Variants in CDA observed in about 807,000 individuals in gnomAD.
CDA encodes cytidine aminohydrolase.
CDA carries 7 observed loss-of-function variants against 15.0 expected under a neutral mutation model. The observed-to-expected ratio is 0.47, with a 90% CI of 0.26 to 0.87. The LOEUF is 0.87. Among genes scored for constraint, CDA ranks in the 40% least tolerant of loss-of-function variants. The probability of loss-of-function intolerance (pLI) is 0.15; values close to 1 mark genes in which losing one functional copy is unlikely to be tolerated. For synonymous variants in CDA, 58 were observed against 73.0 expected, an observed-to-expected ratio of 0.79 and a Z score of 1.05; for missense variants, 159 against 182.7, an observed-to-expected ratio of 0.87 and a Z score of 0.75.
rs190769273 is a variant in CDA, at chr1:20,591,933, G to A, written c.154+2650G>A. ...ATCTCGGCTCACTGCAATCTCCGAC[G>A]CCCAGGTTCAAGCGATTCTCCTGCC... On this transcript the variant is annotated intron_variant, in intron 1 of 3. Transcript: ENST00000375071. Among the ~76,000 whole-genome samples, 1,096 of 150,444 alleles carry A rather than the reference G, an allele frequency of 7.3e-3. 10 individuals carry two copies. The highest frequency in any genetic ancestry group is 0.024 in the African/African-American group (981 of 40,858).
chr1:20,613,058 C>T (rs915669391), intron 2 of CDA, among the ~76,000 whole-genome samples: 67 of 152,088 alleles, frequency 4.4e-4, no homozygotes, highest in African/African-American at 1.6e-3. Context: ...GGTACAGAGC[C>T]TGGCATACAG....
At chr1:20,610,284 A>ATTTTTTTTTTTTTTTTTTTTTTTTTTTTT (rs1171940922) in intron 2 of CDA, among the ~76,000 whole-genome samples, 1 of 134,716 alleles carries the variant, frequency 7.4e-6, no homozygotes. Flanking sequence ...ATTTTATTTT[A>ATTTTTTTTTTTTTTTTTTTTTTTTTTTTT]TTTTTATTTT....
chr1:20,590,120 C>T (rs1370536980), intron 1 of CDA, among the ~76,000 whole-genome samples: 1 of 152,174 alleles, frequency 6.6e-6, no homozygotes, highest in African/African-American at 2.4e-5. Flanking sequence ...GTATTATTCC[C>T]TGTCTGTTGA....
chr1:20,614,204 GGA>G, intron 3 of CDA, among the ~76,000 whole-genome samples: 1 of 152,184 alleles, frequency 6.6e-6, no homozygotes, highest in Non-Finnish European at 1.5e-5. Context: ...GGCTAATGCA[GGA>G]GACAGATGAT....
At position 20,618,366 on chromosome 1, in the gene CDA, C is replaced by CAG. The variant is rs2154532990; in HGVS notation, c.325-85_325-84dup. ...TCAAGGTAAAGAGAGGAACATTAGA[C>CAG]AGTGGCAGAGTCAGACTCAGACCCA... On this transcript the variant is annotated intron_variant, in intron 3 of 3. Coordinates refer to ENST00000375071, the MANE Select transcript of CDA (RefSeq NM_001785.3). The CAG allele has an allele frequency of 4.0e-6, 3 of 746,450 alleles. No homozygotes were observed. In the South Asian group the frequency reaches 4.4e-5, roughly 11 times the overall value. 46.2% of individuals were successfully genotyped at this position (746,450 alleles called of 1,614,324 possible). A position where few individuals can be genotyped will look rare whatever the true frequency, so the allele number is the denominator to read the frequency against.
At chr1:20,616,084 T>C (rs919057134) in intron 3 of CDA, among the ~76,000 whole-genome samples, 1 of 152,174 alleles carries the variant, frequency 6.6e-6, no homozygotes, top group Admixed American at 6.5e-5. Context: ...CATTTCCCAG[T>C]GACCACTCTG....
chr1:20,610,633 A>G (rs2052741170), intron 2 of CDA, among the ~76,000 whole-genome samples: 1 of 152,216 alleles, frequency 6.6e-6, no homozygotes. Flanking sequence ...AAGATGAATT[A>G]TGAAATAGTA....
intron 2 of CDA, among the ~76,000 whole-genome samples, chr1:20,613,497 G>A (rs1198618607): frequency 6.6e-6 from 1 of 152,212 alleles, no homozygotes; most frequent in African/African-American, 2.4e-5. Flanking sequence ...GAGCTACCAA[G>A]CCCAGCTGCA....
intron 2 of CDA, among the ~76,000 whole-genome samples, chr1:20,605,715 T>C (rs2052690280): frequency 8.3e-6 from 1 of 120,028 alleles, no homozygotes; most frequent in South Asian, 3.3e-4. Flanking sequence ...TCCCAGCTAT[T>C]TGGGAGGCTG....
chr1:20,604,912 T>C lies in CDA; in HGVS notation c.155-16T>C, dbSNP rs773925629. On this transcript the variant is annotated splice_polypyrimidine_tract_variant and intron_variant, in intron 1 of 3. Transcript: ENST00000375071. ...GTCTCTGCCAGACATACCACTGGACTCTGCTCTCTTCTCAGGGTGCAACAT... is the reference window on the plus strand; with the variant it reads ...GTCTCTGCCAGACATACCACTGGACCCTGCTCTCTTCTCAGGGTGCAACAT... The C allele has an allele frequency of 1.3e-6, 2 of 1,546,054 alleles. No individual in the cohort carries two copies. The highest frequency in any genetic ancestry group is 1.8e-6 in the Non-Finnish European group (2 of 1,120,978).
At chr1:20,609,015 T>C (rs572851711) in intron 2 of CDA, among the ~76,000 whole-genome samples, 16 of 152,364 alleles carry the variant, frequency 1.1e-4, no homozygotes, top group Non-Finnish European at 1.5e-4. Context: ...ATGCGCTGTC[T>C]CTACATCCTC....
At chr1:20,607,720 A>G (rs11579252) in intron 2 of CDA, among the ~76,000 whole-genome samples, 23,841 of 152,156 alleles carry the variant, frequency 0.16, 2,029 homozygotes, top group African/African-American at 0.22. Context: ...GCTGTACTCT[A>G]GGTATTCAGC....
intron 2 of CDA, among the ~76,000 whole-genome samples, chr1:20,611,853 A>G (rs1453366411): frequency 6.6e-6 from 1 of 151,886 alleles, no homozygotes; most frequent in Non-Finnish European, 1.5e-5. Flanking sequence ...GCCTTTGCAC[A>G]TACTGTTTTT....
chr1:20,613,424 C>CAGGT (rs1343453240), intron 2 of CDA, among the ~76,000 whole-genome samples: 2 of 152,152 alleles, frequency 1.3e-5, no homozygotes, highest in African/African-American at 2.4e-5. Flanking sequence ...AGGCTGGTCT[C>CAGGT]GAACTCCTGC....
rs760085126 is a variant in CDA, at chr1:20,589,269, G to A, written c.140G>A (p.Gly47Glu). Residue 47 changes from glycine (G) to glutamate (E), a missense_variant, in exon 1 of 4, where the codon GGG becomes GAG. By Grantham distance (98) the Gly-to-Glu change is moderately conservative. Transcript: ENST00000375071. ...GGGGCTGCCCTGCTCACCCAGGAGG[G>A]GAGAATCTTCAAAGGTAAAGGTGGG... ...PVGAALLTQEGRIFKGCNIEN... is the reference protein window; with the variant it reads ...PVGAALLTQEERIFKGCNIEN... The A allele has an allele frequency of 3.7e-6, 6 of 1,614,032 alleles. No homozygotes were observed. In the Admixed American group the frequency reaches 6.7e-5, roughly 18 times the overall value.
chr1:20,599,647 T>TAAAATAAAAC lies in CDA; in HGVS notation c.155-5277_155-5276insTAAAACAAAA, dbSNP rs568052436. On this transcript the variant is annotated intron_variant, in intron 1 of 3. Coordinates refer to ENST00000375071, the MANE Select transcript of CDA (RefSeq NM_001785.3). ...TAAAATAAAATAAAATAAAATAAAA[T>TAAAATAAAAC]AAAACAAAATAAAATAAAATAAAAA... is the stretch of plus-strand genomic sequence containing the variant. 5.2e-4 allele frequency among the ~76,000 whole-genome samples: 77 copies of TAAAATAAAAC among 146,980 alleles called. 1 individual carries two copies. The highest frequency in any genetic ancestry group is 3.6e-3 in the South Asian group (17 of 4,748).
Position 20,613,466 on chromosome 1 carries a change from A to G in CDA, c.267-376A>G, listed in dbSNP as rs551542289. Among the ~76,000 whole-genome samples, 9 of 152,264 alleles carry G rather than the reference A, an allele frequency of 5.9e-5. 1 individual carries two copies. In the South Asian group the frequency reaches 1.9e-3, roughly 32 times the overall value. On this transcript the variant is annotated intron_variant, in intron 2 of 3. Coordinates refer to ENST00000375071, the MANE Select transcript of CDA (RefSeq NM_001785.3). Reference sequence around the variant, plus strand: ...GTGATCCACCCACCTCGGCCTCCCAAAGTGCTGGGATTACAGGCGTGAGCT... The same window carrying G: ...GTGATCCACCCACCTCGGCCTCCCAGAGTGCTGGGATTACAGGCGTGAGCT...
At chr1:20,607,833 T>C (rs947004562) in intron 2 of CDA, among the ~76,000 whole-genome samples, 2 of 152,186 alleles carry the variant, frequency 1.3e-5, no homozygotes, top group African/African-American at 4.8e-5. Context: ...CCAGCTCCCT[T>C]GTTAACATCA....
intron 3 of CDA, among the ~76,000 whole-genome samples, chr1:20,617,697 A>ATTTTTT (rs147364706): frequency 6.9e-6 from 1 of 144,022 alleles, no homozygotes; most frequent in African/African-American, 2.6e-5. Context: ...ATTTTATTTT[A>ATTTTTT]TTTTTTTTTT....
Sources: gnomAD v4.1 joint callset for allele counts (sites outside exome capture counted in the v4.1 genomes callset) on GRCh38, gnomAD v4.1.1 for gene constraint, MANE v1.5 for transcripts, NCBI Gene and HGNC (gene_info 2026-07-23, HGNC 2026-07-21) for gene names.